The following MED15 variants were observed in gnomAD, a reference collection of about 807,000 sequenced individuals.
MED15 encodes mediator complex subunit 15.
Under a neutral mutation model 118.7 loss-of-function variants are expected in MED15, and 41 were observed. The ratio of observed to expected loss-of-function variants is 0.35; its 90% CI spans 0.27 to 0.45. The LOEUF (loss-of-function observed/expected upper bound fraction) is 0.45. Ranked by LOEUF, MED15 falls within the 20% of genes least tolerant of loss-of-function variation. MED15 has a pLI of 1.00. For synonymous variants in MED15, 436 were observed against 413.9 expected, an observed-to-expected ratio of 1.05 and a Z score of -0.65; for missense variants, 740 against 1,025.5, an observed-to-expected ratio of 0.72 and a Z score of 3.80.
chr22:20,573,160 G>A (rs2056720901), intron 8 of MED15, among the ~76,000 whole-genome samples: 1 of 152,020 alleles, frequency 6.6e-6, no homozygotes, highest in Non-Finnish European at 1.5e-5. Context: ...TAGAGACGGG[G>A]TTTTGTCATG....
At chr22:20,542,926 A>C (rs1188743050) in intron 2 of MED15, among the ~76,000 whole-genome samples, 1 of 152,138 alleles carries the variant, frequency 6.6e-6, no homozygotes, top group African/African-American at 2.4e-5. Context: ...TCTCTTTGGC[A>C]CTAGAAAAAT....
intron 9 of MED15, 62 bp downstream of exon 9, chr22:20,575,294 G>T (rs1394426861): frequency 7.6e-6 from 12 of 1,579,164 alleles, no homozygotes; most frequent in Non-Finnish European, 9.4e-6. Flanking sequence ...GAGCGCCTTT[G>T]TAAAGCGCAC....
intron 1 of MED15, among the ~76,000 whole-genome samples, chr22:20,533,096 AG>A (rs1259997538): frequency 5.9e-5 from 9 of 152,194 alleles, no homozygotes; most frequent in Admixed American, 5.9e-4. Flanking sequence ...AGCCCAGCTC[AG>A]GGAGATCAGA....
chr22:20,535,659 A>T (rs971654424), intron 1 of MED15, among the ~76,000 whole-genome samples: 8 of 150,542 alleles, frequency 5.3e-5, no homozygotes, highest in African/African-American at 2.0e-4. Context: ...TCCCGGGTTC[A>T]TGCCATTCTC....
Position 20,585,817 on chromosome 22 carries a change from T to C in MED15, c.2221T>C (p.Trp741Arg), listed in dbSNP as rs1361173345. 1 of 1,612,868 alleles carries C rather than the reference T, an allele frequency of 6.2e-7. No individual in the cohort carries two copies. ...AAGCCCGCTGTGGATAGACCGGCAG[T>C]GGCAGTACGGTAGGTAGACCCAGAG... ...AQSPLWIDRQ[W>R]QYDANPFLQS... The change falls in exon 17 of 18, where the codon TGG becomes CGG. Residue 741 changes from tryptophan (W) to arginine (R), a missense_variant. By Grantham distance (101) the Trp-to-Arg change is moderately radical. This residue lies in a region of MED15 where 179 missense variants were observed against 259.0 expected (regional missense o/e 0.69). Coordinates refer to ENST00000263205, the MANE Select transcript of MED15 (RefSeq NM_001003891.3).
chr22:20,508,116 A>G (rs2053934944), intron 1 of MED15: 2 of 1,255,506 alleles, frequency 1.6e-6, no homozygotes. Context: ...TGGGTGCTTC[A>G]TGGTTTCTCT....
At chr22:20,511,900 C>G (rs1443235102) in intron 1 of MED15, among the ~76,000 whole-genome samples, 1 of 151,696 alleles carries the variant, frequency 6.6e-6, no homozygotes, top group Non-Finnish European at 1.5e-5. Context: ...CCTCCCAGCC[C>G]CTCACCCTGA....
At chr22:20,546,383 GTTTGGAGA>G (rs1186190523) in intron 2 of MED15, among the ~76,000 whole-genome samples, 2 of 152,080 alleles carry the variant, frequency 1.3e-5, no homozygotes, top group African/African-American at 4.8e-5. Flanking sequence ...CAATTTGGAG[GTTTGGAGA>G]GCAACAACAG....
At chr22:20,521,198 G>T (rs114056587) in intron 1 of MED15, among the ~76,000 whole-genome samples, 14,135 of 143,472 alleles carry the variant, frequency 0.099, 931 homozygotes, top group Non-Finnish European at 0.14. Context: ...CTAGGTTCCG[G>T]CAGTTCTCCT....
intron 1 of MED15, among the ~76,000 whole-genome samples, chr22:20,512,891 G>A (rs577740794): frequency 2.0e-4 from 30 of 151,504 alleles, no homozygotes; most frequent in Non-Finnish European, 3.7e-4. Flanking sequence ...ACAGGCATGC[G>A]CCACCAGGCC....
chr22:20,509,010 T>G (rs1267725021), intron 1 of MED15, among the ~76,000 whole-genome samples: 4 of 152,246 alleles, frequency 2.6e-5, no homozygotes, highest in African/African-American at 4.8e-5. Flanking sequence ...AGGGGCAGTC[T>G]AGTGAGTAGG....
chr22:20,563,043 A>T (rs773977738), intron 5 of MED15, among the ~76,000 whole-genome samples: 8 of 152,128 alleles, frequency 5.3e-5, no homozygotes, highest in Non-Finnish European at 1.0e-4. Flanking sequence ...CTCAAAAAAA[A>T]AAAATCTTAC....
intron 1 of MED15, chr22:20,508,006 G>A: frequency 7.1e-7 from 1 of 1,418,366 alleles, no homozygotes; most frequent in Non-Finnish European, 9.2e-7. Context: ...TTTCTCATTC[G>A]TCATTTGTGT....
rs2057128758 is a variant in MED15 at position 20,586,128 on chromosome 22, A to G, written c.2230+302A>G. The stretch of plus-strand genomic sequence containing the variant: ...GTGAGTAAGCCCATGGCTCAGGGAC[A>G]GTCCCCGCTCTTCCCAGAGGCCACT... On this transcript the variant is annotated intron_variant, in intron 17 of 17. Coordinates refer to ENST00000263205, the MANE Select transcript of MED15 (RefSeq NM_001003891.3). Among the ~76,000 whole-genome samples the G allele has an allele frequency of 3.3e-5, 5 of 152,352 alleles. No homozygotes were observed. In the South Asian group the frequency reaches 1.0e-3, roughly 32 times the overall value.
At chr22:20,574,771 T>A (rs778351638) in intron 8 of MED15, 1 of 218,248 alleles carries the variant, frequency 4.6e-6, no homozygotes, top group Non-Finnish European at 9.4e-6. Context: ...GCCCTCAAGG[T>A]CTGGCTCTGA....
chr22:20,580,008 G>A (rs1166770981), intron 9 of MED15, among the ~76,000 whole-genome samples: 1 of 152,118 alleles, frequency 6.6e-6, no homozygotes, highest in Non-Finnish European at 1.5e-5. Context: ...CCAGGTGCTG[G>A]ACTTGGACTG....
chr22:20,560,297 G>A (rs554073414), intron 5 of MED15, among the ~76,000 whole-genome samples: 1 of 151,420 alleles, frequency 6.6e-6, no homozygotes, highest in East Asian at 1.9e-4. Context: ...ATGGAATCTC[G>A]CTCTGTCAAC....
chr22:20,562,679 G>A (rs1467968885), intron 5 of MED15, among the ~76,000 whole-genome samples: 3 of 152,132 alleles, frequency 2.0e-5, no homozygotes, highest in South Asian at 2.1e-4. Flanking sequence ...ACCGCGACCC[G>A]CCGGTCATAC....
chr22:20,552,993 A>G (rs2146523348), intron 3 of MED15, 152 bp from the exon 4 acceptor site: 1 of 678,350 alleles, frequency 1.5e-6, no homozygotes. Context: ...CGCTGCCAAG[A>G]GTAGAAACAC....
Sources: allele counts gnomAD v4.1 joint callset (sites outside exome capture counted in the v4.1 genomes callset), GRCh38; gene constraint gnomAD v4.1.1; regional missense constraint gnomAD v4.1.1; transcripts MANE v1.5; gene names NCBI Gene and HGNC (gene_info 2026-07-23, HGNC 2026-07-21).